Variants in CPNE4 observed in about 807,000 individuals in gnomAD.
The protein encoded by CPNE4 is copine-4.
In CPNE4, 25 loss-of-function variants were observed where a neutral mutation model predicts 67.9. The ratio of observed to expected loss-of-function variants is 0.37; its 90% CI spans 0.27 to 0.51. The LOEUF (loss-of-function observed/expected upper bound fraction) is 0.51. Among genes scored for constraint, CPNE4 ranks in the 20% least tolerant of loss-of-function variants. The probability of loss-of-function intolerance (pLI) is 0.93; values close to 1 mark genes in which losing one functional copy is unlikely to be tolerated. For missense variants in CPNE4, 464 were observed against 690.8 expected (o/e 0.67, Z 3.68); for synonymous variants, 242 against 244.9 (o/e 0.99, Z 0.11).
At chr3:131,540,333 T>C (rs1935409274) in intron 15 of CPNE4, among the ~76,000 whole-genome samples, 6 of 152,236 alleles carry the variant, frequency 3.9e-5, no homozygotes, top group Admixed American at 3.3e-4. Context: ...CCTTGGAATG[T>C]GCAGTTACTT....
intron 7 of CPNE4, among the ~76,000 whole-genome samples, chr3:131,630,364 GA>G (rs1447249620): frequency 6.6e-6 from 1 of 152,220 alleles, no homozygotes; most frequent in Non-Finnish European, 1.5e-5. Context: ...TCTGGAAAGA[GA>G]AACCACAGAT....
intron 4 of CPNE4, among the ~76,000 whole-genome samples, chr3:131,699,320 T>C (rs1362603777): frequency 1.3e-5 from 2 of 152,218 alleles, no homozygotes; most frequent in Non-Finnish European, 2.9e-5. Context: ...GTGGCCAGTG[T>C]GATTAAGGAA....
chr3:131,685,486 T>C (rs1164625093), intron 6 of CPNE4, among the ~76,000 whole-genome samples: 4 of 151,408 alleles, frequency 2.6e-5, no homozygotes, highest in Non-Finnish European at 5.9e-5. Context: ...TCTACAGACA[T>C]TAAGAAGTAA....
At chr3:131,798,689 C>T (rs1261959956) in intron 2 of CPNE4, among the ~76,000 whole-genome samples, 3 of 152,100 alleles carry the variant, frequency 2.0e-5, no homozygotes, top group Non-Finnish European at 4.4e-5. Flanking sequence ...AACCTTCCAA[C>T]TTTTTCTCAA....
At chr3:131,698,909 C>CAAA (rs750798265) in intron 4 of CPNE4, among the ~76,000 whole-genome samples, 6,222 of 86,924 alleles carry the variant, frequency 0.072, 293 homozygotes, top group Non-Finnish European at 0.099. Context: ...GACACTGTCT[C>CAAA]AAAAAAAAAA....
At chr3:132,022,693 G>C (rs2074023761) in intron 1 of CPNE4, among the ~76,000 whole-genome samples, 1 of 152,146 alleles carries the variant, frequency 6.6e-6, no homozygotes, top group African/African-American at 2.4e-5. Flanking sequence ...CTTGTTTGGT[G>C]GTGAGTTGTG....
chr3:131,817,459 T>A (rs951633426), intron 2 of CPNE4, among the ~76,000 whole-genome samples: 1 of 152,142 alleles, frequency 6.6e-6, no homozygotes, highest in African/African-American at 2.4e-5. Context: ...GGGTGAATAG[T>A]AGGACAGGAG....
chr3:131,545,933 G>A (rs538417205), intron 14 of CPNE4, among the ~76,000 whole-genome samples: 54 of 152,138 alleles, frequency 3.5e-4, no homozygotes, highest in African/African-American at 1.1e-3. Context: ...GTGGTGGCAC[G>A]TGCCTGTAAT....
chr3:131,817,585 A>G (rs1409215196), intron 2 of CPNE4, among the ~76,000 whole-genome samples: 1 of 152,120 alleles, frequency 6.6e-6, no homozygotes, highest in Non-Finnish European at 1.5e-5. Context: ...GGAAAGCCTG[A>G]GGGAAAAAGA....
At position 131,723,014 on chromosome 3, in the gene CPNE4, G is replaced by C. The variant is rs138914373; in HGVS notation, c.360+432C>G. Among the ~76,000 whole-genome samples the C allele has an allele frequency of 2.9e-4, 44 of 152,276 alleles. No homozygotes were observed. The Middle Eastern group carries it at 0.01, about 35-fold the overall frequency. The stretch of plus-strand genomic sequence containing the variant: ...AGTATCCATTTAGCCTCTGCCTTGG[G>C]CTATTTTTGGTACCAGAGATGTCGA... On this transcript the variant is annotated intron_variant, in intron 3 of 15. Coordinates refer to ENST00000429747, the MANE Select transcript of CPNE4 (RefSeq NM_130808.3).
chr3:131,585,874 T>A (rs1448767407), intron 8 of CPNE4, among the ~76,000 whole-genome samples: 2 of 152,164 alleles, frequency 1.3e-5, no homozygotes, highest in African/African-American at 2.4e-5. Context: ...TGGGTGATGG[T>A]CTCTGGGTGT....
intron 2 of CPNE4, among the ~76,000 whole-genome samples, chr3:131,893,730 A>G (rs2107747294): frequency 6.6e-6 from 1 of 152,160 alleles, no homozygotes. Context: ...GTCAATGAAG[A>G]AATTAAAAAG....
intron 2 of CPNE4, among the ~76,000 whole-genome samples, chr3:131,870,091 G>A (rs1310762230): frequency 6.6e-6 from 1 of 152,084 alleles, no homozygotes; most frequent in Admixed American, 6.6e-5. Context: ...TATGACTTGG[G>A]GATGATAAAA....
intron 15 of CPNE4, among the ~76,000 whole-genome samples, chr3:131,541,553 A>G (rs1176543746): frequency 6.6e-6 from 1 of 151,750 alleles, no homozygotes. Flanking sequence ...TGGCCCACAG[A>G]GAGGGCAATT....
At chr3:131,729,890 GTAAATTAT>G in intron 2 of CPNE4, among the ~76,000 whole-genome samples, 1 of 152,172 alleles carries the variant, frequency 6.6e-6, no homozygotes. Flanking sequence ...CTCCTGCCTA[GTAAATTAT>G]TAAATTCCTT....
At chr3:131,962,435 A>G (rs2072210044) in intron 1 of CPNE4, among the ~76,000 whole-genome samples, 1 of 152,166 alleles carries the variant, frequency 6.6e-6, no homozygotes, top group South Asian at 2.1e-4. Context: ...CACCACCACA[A>G]CAAAAATGTG....
At chr3:131,690,400 T>C (rs887690855) in intron 5 of CPNE4, among the ~76,000 whole-genome samples, 1 of 152,118 alleles carries the variant, frequency 6.6e-6, no homozygotes, top group Non-Finnish European at 1.5e-5. Flanking sequence ...CCTACAGCCA[T>C]CTCTTCTTTG....
intron 5 of CPNE4, among the ~76,000 whole-genome samples, chr3:131,690,080 C>T (rs1175613433): frequency 6.6e-5 from 10 of 152,050 alleles, no homozygotes; most frequent in African/African-American, 2.4e-4. Context: ...GCTCATGGAT[C>T]GGAAGAATCA....
chr3:131,758,356 T>A (rs1444551442), intron 2 of CPNE4, among the ~76,000 whole-genome samples: 1 of 152,194 alleles, frequency 6.6e-6, no homozygotes, highest in African/African-American at 2.4e-5. Context: ...TGTGGAGCTT[T>A]AAAAATTGAC....
Sources: gnomAD v4.1 joint callset for allele counts (sites outside exome capture counted in the v4.1 genomes callset) on GRCh38, gnomAD v4.1.1 for gene constraint, MANE v1.5 for transcripts, NCBI Gene and HGNC (gene_info 2026-07-23, HGNC 2026-07-21) for gene names.